Variants in PRKN observed in about 807,000 individuals in gnomAD.
The protein encoded by PRKN is parkin RBR E3 ubiquitin protein ligase.
In PRKN, 56 loss-of-function variants were observed where a neutral mutation model predicts 59.5. The ratio of observed to expected loss-of-function variants is 0.94; its 90% CI spans 0.76 to 1.18. PRKN has a LOEUF of 1.18. Ranked by LOEUF, PRKN falls within the 50% of genes most tolerant of loss-of-function variation. The pLI is 0.00. For missense variants in PRKN, 657 were observed against 596.4 expected (o/e 1.10, Z -1.06); for synonymous variants, 250 against 222.1 (o/e 1.13, Z -1.12).
chr6:162,345,572 T>A (rs1784364409), intron 2 of PRKN, among the ~76,000 whole-genome samples: 1 of 152,210 alleles, frequency 6.6e-6, no homozygotes. Context: ...GCCGTATAAA[T>A]CTTTTGTTAG....
intron 2 of PRKN, among the ~76,000 whole-genome samples, chr6:162,278,058 C>T (rs951628716): frequency 2.0e-5 from 3 of 152,132 alleles, no homozygotes; most frequent in African/African-American, 7.2e-5. Flanking sequence ...AAGTATCAGA[C>T]ATACAGATCA....
At chr6:162,496,881 T>C (rs1006181328) in intron 1 of PRKN, among the ~76,000 whole-genome samples, 4 of 152,234 alleles carry the variant, frequency 2.6e-5, no homozygotes, top group African/African-American at 9.6e-5. Flanking sequence ...AAGGCTACAC[T>C]TGTATTTGAA....
chr6:162,510,390 C>T (rs543805744), intron 1 of PRKN, among the ~76,000 whole-genome samples: 19 of 152,238 alleles, frequency 1.2e-4, no homozygotes, highest in South Asian at 1.0e-3. Flanking sequence ...TGCTTTCTCA[C>T]GTGTGAGAGG....
Position 161,391,087 on chromosome 6 carries a change from C to T in PRKN, c.1084-4210G>A, listed in dbSNP as rs1315528262. 6.6e-6 allele frequency among the ~76,000 whole-genome samples: 1 copy of T among 152,110 alleles called. No homozygotes were observed. Among genetic ancestry groups the T allele is most frequent in the Admixed American group, 6.5e-5 (1 of 15,274 alleles). The stretch of plus-strand genomic sequence containing the variant: ...TTTGCAAACACTTCCCATGGCATAG[C>T]TGTTTCTAGAGAAAAAGCTTGCCGG... On this transcript the variant is annotated intron_variant, in intron 9 of 11. Coordinates refer to ENST00000366898, the MANE Select transcript of PRKN (RefSeq NM_004562.3). The surrounding 1 kb of genome is among the most constrained non-coding windows in gnomAD (Gnocchi z 4.9).
intron 6 of PRKN, among the ~76,000 whole-genome samples, chr6:161,886,641 G>A (rs975425803): frequency 4.6e-5 from 7 of 151,912 alleles, no homozygotes; most frequent in African/African-American, 1.7e-4. Context: ...AGGTTGCGGT[G>A]AGCCGAGATC....
intron 4 of PRKN, among the ~76,000 whole-genome samples, chr6:162,100,237 A>G (rs1336522170): frequency 6.6e-6 from 1 of 152,184 alleles, no homozygotes; most frequent in African/African-American, 2.4e-5. Flanking sequence ...GGCAAAGGAC[A>G]TGGGAGTGCA....
At chr6:162,091,715 C>G (rs1299433466) in intron 4 of PRKN, among the ~76,000 whole-genome samples, 2 of 152,098 alleles carry the variant, frequency 1.3e-5, no homozygotes, top group Non-Finnish European at 2.9e-5. Context: ...TTGTGTAGCA[C>G]TATGTTTTGT....
At chr6:162,320,433 A>C (rs1182142580) in intron 2 of PRKN, among the ~76,000 whole-genome samples, 8 of 138,702 alleles carry the variant, frequency 5.8e-5, no homozygotes, top group East Asian at 2.2e-4. Context: ...AAAAAAAAAA[A>C]CCCCACAAAA....
chr6:161,542,635 T>G lies in PRKN; in HGVS notation c.1083+6219A>C, dbSNP rs117358337. Among the ~76,000 whole-genome samples, 622 of 152,368 alleles carry G rather than the reference T, an allele frequency of 4.1e-3. 4 individuals are homozygous for G. Among genetic ancestry groups the G allele is most frequent in the Non-Finnish European group, 7.8e-3 (532 of 68,038 alleles). On this transcript the variant is annotated intron_variant, in intron 9 of 11. Coordinates refer to ENST00000366898, the MANE Select transcript of PRKN (RefSeq NM_004562.3). ...TCAAATAAACATGGACTGCATATTT[T>G]TGACATTTCATAACACCAACTTTCT...
chr6:161,480,190 G>C lies in PRKN; in HGVS notation c.1083+68664C>G, dbSNP rs1791321754. ...ACTGCAGCGTTTCCTATCTGATCAT[G>C]ACTATATAATTTGTGAAGCCCAGTG... On this transcript the variant is annotated intron_variant, in intron 9 of 11. Coordinates refer to ENST00000366898, the MANE Select transcript of PRKN (RefSeq NM_004562.3). This position sits in a 1 kb window ranked among gnomAD's most constrained non-coding sequence, Gnocchi z 4.1. Among the ~76,000 whole-genome samples, 1 of 152,182 alleles carries C rather than the reference G, an allele frequency of 6.6e-6. No individual in the cohort carries two copies. The highest frequency in any genetic ancestry group is 2.4e-5 in the African/African-American group (1 of 41,440).
chr6:162,432,353 C>T (rs1039646074), intron 2 of PRKN, among the ~76,000 whole-genome samples: 5 of 152,012 alleles, frequency 3.3e-5, no homozygotes, highest in Non-Finnish European at 7.4e-5. Flanking sequence ...TGGTAACACT[C>T]CAACTCTATT....
At chr6:162,711,876 TAGC>T (rs1156401148) in intron 1 of PRKN, among the ~76,000 whole-genome samples, 1 of 152,190 alleles carries the variant, frequency 6.6e-6, no homozygotes, top group Non-Finnish European at 1.5e-5. Flanking sequence ...TCATATTAGG[TAGC>T]AGACTTGTCT....
intron 4 of PRKN, among the ~76,000 whole-genome samples, chr6:162,144,042 A>G (rs551231949): frequency 3.1e-4 from 47 of 152,310 alleles, no homozygotes; most frequent in Admixed American, 2.6e-3. Flanking sequence ...ATTCTTCTCC[A>G]TGTAATATGC....
At chr6:161,617,825 C>A (rs1220357473) in intron 7 of PRKN, among the ~76,000 whole-genome samples, 1 of 152,210 alleles carries the variant, frequency 6.6e-6, no homozygotes, top group Non-Finnish European at 1.5e-5. Context: ...AAGCCAGTGC[C>A]AGAACTGCCA....
At chr6:161,375,273 G>T (rs1220403332) in intron 10 of PRKN, among the ~76,000 whole-genome samples, 1 of 152,208 alleles carries the variant, frequency 6.6e-6, no homozygotes, top group African/African-American at 2.4e-5. Flanking sequence ...GCTCTGCCGT[G>T]CTGGAGTGAC....
intron 1 of PRKN, among the ~76,000 whole-genome samples, chr6:162,459,565 A>G (rs1336265872): frequency 6.6e-6 from 1 of 152,196 alleles, no homozygotes; most frequent in Non-Finnish European, 1.5e-5. Flanking sequence ...CCAGTGGCAA[A>G]TACAGAGGCT....
Position 161,483,384 on chromosome 6 carries a change from T to C in PRKN, c.1083+65470A>G, listed in dbSNP as rs190936971. On this transcript the variant is annotated intron_variant, in intron 9 of 11. Coordinates refer to ENST00000366898, the MANE Select transcript of PRKN (RefSeq NM_004562.3). The surrounding 1 kb of genome is among the most constrained non-coding windows in gnomAD (Gnocchi z 5.0). The stretch of plus-strand genomic sequence containing the variant: ...TCCCCCTGAAAATCCATGATAAAGA[T>C]TGAGCGTGGTTGAAAGGCTTGTCAT... 2.0e-5 allele frequency among the ~76,000 whole-genome samples: 3 copies of C among 152,248 alleles called. No homozygotes were observed. The highest frequency in any genetic ancestry group is 1.9e-4 in the East Asian group (1 of 5,182).
rs949088285 is a variant in PRKN, at chr6:161,447,438, C to A, written c.1084-60561G>T. Among the ~76,000 whole-genome samples the A allele has an allele frequency of 5.3e-5, 8 of 152,146 alleles. No homozygotes were observed. The highest frequency in any genetic ancestry group is 1.9e-4 in the African/African-American group (8 of 41,438). On this transcript the variant is annotated intron_variant, in intron 9 of 11. Coordinates refer to ENST00000366898, the MANE Select transcript of PRKN (RefSeq NM_004562.3). The surrounding 1 kb of genome is among the most constrained non-coding windows in gnomAD (Gnocchi z 4.1). ...TGTATTGGTTTAAGTTTAGAAAAGG[C>A]CCCCTGTAAAGAAGACAAGTTGGAG...
In PRKN at chr6:161,890,775, A is replaced by C. The variant is rs115868621; in HGVS notation, c.734+82527T>G. Reference sequence around the variant, plus strand: ...AATGAATCTACAAGACAATTGGGAAAGGATCACATTAGTTTTTAAATAGAA... The same window carrying C: ...AATGAATCTACAAGACAATTGGGAACGGATCACATTAGTTTTTAAATAGAA... On this transcript the variant is annotated intron_variant, in intron 6 of 11. Coordinates refer to ENST00000366898, the MANE Select transcript of PRKN (RefSeq NM_004562.3). Among the ~76,000 whole-genome samples, 1,052 of 152,368 alleles carry C rather than the reference A, an allele frequency of 6.9e-3. 9 individuals carry two copies. Among genetic ancestry groups the C allele is most frequent in the African/African-American group, 0.024 (996 of 41,590 alleles).
Sources: allele counts gnomAD v4.1 joint callset (sites outside exome capture counted in the v4.1 genomes callset), GRCh38; gene constraint gnomAD v4.1.1; non-coding constraint Gnocchi (gnomAD v3.1); transcripts MANE v1.5; gene names NCBI Gene and HGNC (gene_info 2026-07-23, HGNC 2026-07-21).